SF3A3: variants seen among roughly 807,000 people sequenced by gnomAD.
SF3A3 encodes SAP 61.
Under a neutral mutation model 85.8 loss-of-function variants are expected in SF3A3, and 9 were observed. The observed-to-expected ratio is 0.10, with a 90% CI of 0.06 to 0.18. The LOEUF (loss-of-function observed/expected upper bound fraction) is 0.18. Ranked by LOEUF, SF3A3 falls within the 10% of genes least tolerant of loss-of-function variation. The probability of loss-of-function intolerance (pLI) is 1.00; values close to 1 mark genes in which losing one functional copy is unlikely to be tolerated. For synonymous variants in SF3A3, 195 were observed against 204.4 expected (o/e 0.95, Z 0.39); for missense variants, 306 against 593.3 (o/e 0.52, Z 5.03).
chr1:37,984,204 A>G lies in SF3A3; in HGVS notation c.433T>C (p.Cys145Arg). Reference protein sequence around the residue: ...GYGRYLDLHDCYLKYINLKAS... With the variant: ...GYGRYLDLHDRYLKYINLKAS... ...TTCAGGTTAATGTACTTGAGGTAAC[A>G]GTCATGGAGATCGAGATAACGACCA... The change falls in exon 6 of 17, where the codon TGT (cysteine) becomes CGT (arginine). Residue 145 changes from cysteine to arginine, a missense_variant. Physicochemically the swap from Cys to Arg is radical, Grantham distance 180 (BLOSUM62 -3). This residue lies in a region of SF3A3 where 152 missense variants were observed against 192.0 expected (regional missense o/e 0.79). Transcript: ENST00000373019. 1.9e-6 allele frequency: 3 copies of G among 1,609,692 alleles called. No homozygotes were observed. The highest frequency in any genetic ancestry group is 2.5e-6 in the Non-Finnish European group (3 of 1,176,912).
chr1:37,988,777 T>G, intron 2 of SF3A3, among the ~76,000 whole-genome samples: 1 of 152,150 alleles, frequency 6.6e-6, no homozygotes, highest in Non-Finnish European at 1.5e-5. Context: ...AACTGAACTA[T>G]TACCAGACAA....
At chr1:37,970,421 C>T (rs1646330417) in intron 12 of SF3A3, among the ~76,000 whole-genome samples, 1 of 151,848 alleles carries the variant, frequency 6.6e-6, no homozygotes, top group Middle Eastern at 3.2e-3. Flanking sequence ...GAAACTTTAA[C>T]ACCCCACTGT....
chr1:37,971,415 T>C lies in SF3A3; in HGVS notation c.1006-1680A>G, dbSNP rs908326449. Among the ~76,000 whole-genome samples, 5 of 152,012 alleles carry C rather than the reference T, an allele frequency of 3.3e-5. No homozygotes were observed. In the South Asian group the frequency reaches 6.2e-4, roughly 19 times the overall value. On this transcript the variant is annotated intron_variant, in intron 12 of 16. Transcript: ENST00000373019. ...AGGACCAGACGGATTCACAGCCGAG[T>C]TCTACCAGAGGTACAAAAAGAGCTG...
At chr1:37,961,178 A>ATCAC (rs1646255082) in intron 15 of SF3A3, among the ~76,000 whole-genome samples, 1 of 152,250 alleles carries the variant, frequency 6.6e-6, no homozygotes, top group Non-Finnish European at 1.5e-5. Context: ...GTTAAAGCCT[A>ATCAC]AGATGGGTGA....
rs777909705 is a variant in SF3A3 at position 37,969,481 on chromosome 1, CA to C, written c.1171-18del. ...GGGAATAGGCTAAAAAAGAAAAAAA[CA>C]AAACAAAACCAAGAAGTGTTAGCCT... On this transcript the variant is annotated intron_variant, in intron 13 of 16. Coordinates refer to ENST00000373019, the MANE Select transcript of SF3A3 (RefSeq NM_006802.4). 10 of 1,612,538 alleles carry C rather than the reference CA, an allele frequency of 6.2e-6. No individual in the cohort carries two copies. Among genetic ancestry groups the C allele is most frequent in the Non-Finnish European group, 8.5e-6 (10 of 1,178,774 alleles).
At chr1:37,961,605 G>T (rs1646259132) in intron 15 of SF3A3, among the ~76,000 whole-genome samples, 1 of 149,780 alleles carries the variant, frequency 6.7e-6, no homozygotes, top group Non-Finnish European at 1.5e-5. Context: ...AAAAAAATTA[G>T]CTGAAGTCTT....
intron 15 of SF3A3, chr1:37,960,417 G>A (rs1307330783): frequency 8.4e-6 from 4 of 475,942 alleles, no homozygotes; most frequent in African/African-American, 1.9e-5. Flanking sequence ...AAAGACCTCC[G>A]AAAACAGAGA....
intron 15 of SF3A3, among the ~76,000 whole-genome samples, chr1:37,965,209 T>C (rs1646290293): frequency 7.0e-6 from 1 of 142,934 alleles, no homozygotes; most frequent in Non-Finnish European, 1.5e-5. Flanking sequence ...CTCATGCCTA[T>C]AATCCCAGCA....
chr1:37,986,811 CAAAAAAAA>C (rs1186890843), intron 4 of SF3A3, among the ~76,000 whole-genome samples: 3 of 62,260 alleles, frequency 4.8e-5, no homozygotes, highest in African/African-American at 2.0e-4. Flanking sequence ...GACTCCATCT[CAAAAAAAA>C]AAAAAAAAAA....
chr1:37,967,484 C>T (rs199672911), intron 15 of SF3A3, among the ~76,000 whole-genome samples: 1 of 151,452 alleles, frequency 6.6e-6, no homozygotes, highest in Non-Finnish European at 1.5e-5. Context: ...TCAAGACCAT[C>T]CTGGCTAACA....
At chr1:37,980,839 C>CAA in intron 7 of SF3A3, 115 bp from the exon 8 acceptor site, 1 of 309,520 alleles carries the variant, frequency 3.2e-6, no homozygotes, top group Non-Finnish European at 5.4e-6. Flanking sequence ...CTTTTTAATA[C>CAA]TCTTTTTTTT....
intron 14 of SF3A3, 89 bp from the exon 15 acceptor site, chr1:37,968,223 T>A (rs1163684432): frequency 3.8e-6 from 3 of 796,876 alleles, no homozygotes; most frequent in Non-Finnish European, 6.7e-6. Context: ...AATCCTAACA[T>A]GGCCCTTTGC....
chr1:37,959,957 CAAAAAAAAAAAAAA>C (rs34993722), intron 16 of SF3A3, among the ~76,000 whole-genome samples, 149 bp downstream of exon 16: 1 of 97,344 alleles, frequency 1.0e-5, no homozygotes, highest in East Asian at 3.1e-4. Flanking sequence ...GACTCCGTGT[CAAAAAAAAAAAAAA>C]AAAAAAAGGA....
intron 7 of SF3A3, among the ~76,000 whole-genome samples, chr1:37,981,302 G>A (rs1298487019): frequency 6.6e-6 from 1 of 152,112 alleles, no homozygotes; most frequent in Non-Finnish European, 1.5e-5. Context: ...AAAAGAAAAT[G>A]AGAAAAAGAG....
At chr1:37,969,316 A>T in intron 14 of SF3A3, 38 bp downstream of exon 14, 1 of 1,456,258 alleles carries the variant, frequency 6.9e-7, no homozygotes, top group Non-Finnish European at 9.6e-7. Context: ...TCATGTTTTT[A>T]CTTCAATTCC....
At chr1:37,976,030 C>G (rs1646377339) in intron 12 of SF3A3, among the ~76,000 whole-genome samples, 1 of 152,092 alleles carries the variant, frequency 6.6e-6, no homozygotes, top group Non-Finnish European at 1.5e-5. Flanking sequence ...GTGGCGCATG[C>G]CTGTAGTCCC....
At chr1:37,970,549 T>C (rs565166744) in intron 12 of SF3A3, among the ~76,000 whole-genome samples, 2 of 57,608 alleles carry the variant, frequency 3.5e-5, no homozygotes, top group South Asian at 5.7e-4. Context: ...ATCAACAGAA[T>C]ATACATTCTT....
Position 37,978,711 on chromosome 1 carries a change from G to A in SF3A3, c.935+9C>T, listed in dbSNP as rs374461109. On this transcript the variant is annotated intron_variant, in intron 11 of 16. Coordinates refer to ENST00000373019, the MANE Select transcript of SF3A3 (RefSeq NM_006802.4). ...AGCCACAAGCAGCAGTGCTACCCCA[G>A]CCACTCACCGCTTGGTGCCCTTTGA... The A allele has an allele frequency of 7.2e-6, 11 of 1,535,760 alleles. No individual in the cohort carries two copies. The highest frequency in any genetic ancestry group is 9.7e-6 in the Non-Finnish European group (11 of 1,132,154).
intron 8 of SF3A3, 119 bp from the exon 9 acceptor site, chr1:37,979,652 T>C: frequency 1.6e-6 from 1 of 622,650 alleles, no homozygotes; most frequent in Non-Finnish European, 2.9e-6. Context: ...GTTCAGGAGT[T>C]AGAGACCAGG....
Sources: gnomAD v4.1 joint callset for allele counts (sites outside exome capture counted in the v4.1 genomes callset) on GRCh38, gnomAD v4.1.1 for gene constraint, gnomAD v4.1.1 regional missense constraint, MANE v1.5 for transcripts, NCBI Gene and HGNC (gene_info 2026-07-23, HGNC 2026-07-21) for gene names.